The following AGAP1 variants were observed in gnomAD, a reference collection of about 807,000 sequenced individuals.
AGAP1 encodes the protein ArfGAP with GTPase domain, ankyrin repeat and PH domain 1, also known as arf-GAP with GTPase, ANK repeat and PH domain-containing protein 1.
In AGAP1, 29 loss-of-function variants were observed where a neutral mutation model predicts 105.3. That is an observed-to-expected ratio of 0.28 (90% CI 0.21 to 0.38). The LOEUF is 0.38. Among genes scored for constraint, AGAP1 ranks in the 10% least tolerant of loss-of-function variants. The pLI is 1.00. For missense variants in AGAP1, 998 were observed against 1,165.1 expected (o/e 0.86, Z 2.09); for synonymous variants, 509 against 485.9 (o/e 1.05, Z -0.63).
intron 6 of AGAP1, chr2:235,773,985 A>G (rs1247570630): frequency 8.5e-6 from 4 of 470,678 alleles, no homozygotes. Flanking sequence ...TTCCCCCTCT[A>G]AGATTTTTAA....
At chr2:235,735,028 C>T (rs749511666) in intron 3 of AGAP1, among the ~76,000 whole-genome samples, 33 of 121,386 alleles carry the variant, frequency 2.7e-4, no homozygotes, top group Non-Finnish European at 4.8e-4. Flanking sequence ...GCGCACTGGC[C>T]GTGGAGCTCT....
rs1041691168 is a variant in AGAP1, at chr2:236,005,840, T to C, written c.1646-30721T>C. On this transcript the variant is annotated intron_variant, in intron 13 of 17. Coordinates refer to ENST00000304032, the MANE Select transcript of AGAP1 (RefSeq NM_001037131.3). This position sits in a 1 kb window ranked among gnomAD's most constrained non-coding sequence, Gnocchi z 4.1. ...GGGTATATACCATCAACTTTATTTA[T>C]GGCTGCTGATGTTGACCTTGATCCT... 3.6e-4 allele frequency among the ~76,000 whole-genome samples: 55 copies of C among 152,238 alleles called. No homozygotes were observed. Among genetic ancestry groups the C allele is most frequent in the African/African-American group, 1.3e-3 (54 of 41,464 alleles).
chr2:235,568,693 T>A (rs1409419140), intron 1 of AGAP1, among the ~76,000 whole-genome samples: 1 of 152,328 alleles, frequency 6.6e-6, no homozygotes, highest in African/African-American at 2.4e-5. Context: ...ACAGCACACG[T>A]CATTCTCTTT....
Position 236,109,459 on chromosome 2 carries a change from GGAA to G in AGAP1, c.2115-10727_2115-10725del, listed in dbSNP as rs1242513006. Among the ~76,000 whole-genome samples the G allele has an allele frequency of 6.6e-6, 1 of 152,036 alleles. No individual in the cohort carries two copies. The highest frequency in any genetic ancestry group is 2.4e-5 in the African/African-American group (1 of 41,386). ...AATAAATTATAGATAGTTTTGATAG[GGAA>G]GAAGAGGAGGAAGGAAAAACTGAGA... On this transcript the variant is annotated intron_variant, in intron 16 of 17. Coordinates refer to ENST00000304032, the MANE Select transcript of AGAP1 (RefSeq NM_001037131.3). This position sits in a 1 kb window ranked among gnomAD's most constrained non-coding sequence, Gnocchi z 5.4.
At chr2:235,825,411 A>G (rs2106312202) in intron 9 of AGAP1, among the ~76,000 whole-genome samples, 1 of 152,362 alleles carries the variant, frequency 6.6e-6, no homozygotes, top group African/African-American at 2.4e-5. Context: ...GAAAAGCAGC[A>G]TTAACGAGTT....
chr2:235,935,262 T>G lies in AGAP1; in HGVS notation c.1483+4339T>G, dbSNP rs985135718. ...CGGTTGAGGGTTTCAAATTGCCGTC[T>G]GCCGGCTTGCAAGCCGCACGGAGGA... On this transcript the variant is annotated intron_variant, in intron 12 of 17. Transcript: ENST00000304032. Among the ~76,000 whole-genome samples, 7 of 152,344 alleles carry G rather than the reference T, an allele frequency of 4.6e-5. No homozygotes were observed. The East Asian group carries it at 1.4e-3, about 29-fold the overall frequency.
chr2:236,016,792 G>A (rs1454465689), intron 13 of AGAP1, among the ~76,000 whole-genome samples: 1 of 152,104 alleles, frequency 6.6e-6, no homozygotes, highest in Non-Finnish European at 1.5e-5. Flanking sequence ...AGGCATTCCT[G>A]GGGATACTAA....
Position 235,981,450 on chromosome 2 carries a change from TACACACACACACACAC to T in AGAP1, c.1645+12836_1645+12851del. On this transcript the variant is annotated intron_variant, in intron 13 of 17. Coordinates refer to ENST00000304032, the MANE Select transcript of AGAP1 (RefSeq NM_001037131.3). The surrounding 1 kb of genome is among the most constrained non-coding windows in gnomAD (Gnocchi z 5.5). ...AATTTCTAAGTTCATGTTCCATGCGTACACACACACACACACACACACACGGTGTTATTTTTTTTCT... is the reference window on the plus strand; with the variant it reads ...AATTTCTAAGTTCATGTTCCATGCGTACACACACGGTGTTATTTTTTTTCT... Among the ~76,000 whole-genome samples the T allele has an allele frequency of 6.7e-6, 1 of 149,278 alleles. No individual in the cohort carries two copies. The highest frequency in any genetic ancestry group is 2.1e-4 in the South Asian group (1 of 4,678).
rs2053827996 is a variant in AGAP1 at position 235,953,536 on chromosome 2, A to G, written c.1484-14926A>G. ...TCCAGCATTTCAAAGACATTACTCA[A>G]ATTTTGTTTGTTCTTTGTGCTGCAG... On this transcript the variant is annotated intron_variant, in intron 12 of 17. Transcript: ENST00000304032. The surrounding 1 kb of genome is among the most constrained non-coding windows in gnomAD (Gnocchi z 5.2). Among the ~76,000 whole-genome samples, 1 of 152,132 alleles carries G rather than the reference A, an allele frequency of 6.6e-6. No individual in the cohort carries two copies. Among genetic ancestry groups the G allele is most frequent in the South Asian group, 2.1e-4 (1 of 4,824 alleles).
Position 235,601,794 on chromosome 2 carries a change from C to A in AGAP1, c.163+106945C>A, listed in dbSNP as rs1038470924. Among the ~76,000 whole-genome samples, 4 of 152,176 alleles carry A rather than the reference C, an allele frequency of 2.6e-5. No homozygotes were observed. Among genetic ancestry groups the A allele is most frequent in the Non-Finnish European group, 5.9e-5 (4 of 68,028 alleles). On this transcript the variant is annotated intron_variant, in intron 1 of 17. Coordinates refer to ENST00000304032, the MANE Select transcript of AGAP1 (RefSeq NM_001037131.3). This position sits in a 1 kb window ranked among gnomAD's most constrained non-coding sequence, Gnocchi z 4.4. ...GCCAGGAGTTTAAGACCAGCCTGGG[C>A]AACCTCTTTTAAAGTTAATTACTTC...
chr2:235,685,957 G>A (rs1014358472), intron 1 of AGAP1, among the ~76,000 whole-genome samples: 3 of 152,160 alleles, frequency 2.0e-5, no homozygotes, highest in Non-Finnish European at 4.4e-5. Context: ...TGGGGAGGGG[G>A]CTTCTGACAT....
At chr2:236,059,129 C>A (rs2058120853) in intron 16 of AGAP1, among the ~76,000 whole-genome samples, 1 of 151,510 alleles carries the variant, frequency 6.6e-6, no homozygotes, top group Non-Finnish European at 1.5e-5. Flanking sequence ...GAGTTCAAGA[C>A]CAGCCTGGGC....
chr2:235,953,327 G>T lies in AGAP1; in HGVS notation c.1484-15135G>T, dbSNP rs2053819036. The stretch of plus-strand genomic sequence containing the variant: ...ACAGTTGCCTTCTAACATAACAAAA[G>T]GTTACATGTGATGGCCAAGGGAAAA... On this transcript the variant is annotated intron_variant, in intron 12 of 17. Coordinates refer to ENST00000304032, the MANE Select transcript of AGAP1 (RefSeq NM_001037131.3). This position sits in a 1 kb window ranked among gnomAD's most constrained non-coding sequence, Gnocchi z 5.2. 6.6e-6 allele frequency among the ~76,000 whole-genome samples: 1 copy of T among 152,128 alleles called. No individual in the cohort carries two copies.
chr2:236,009,500 A>G lies in AGAP1; in HGVS notation c.1646-27061A>G, dbSNP rs1331552034. Among the ~76,000 whole-genome samples, 1 of 152,220 alleles carries G rather than the reference A, an allele frequency of 6.6e-6. No homozygotes were observed. The highest frequency in any genetic ancestry group is 1.5e-5 in the Non-Finnish European group (1 of 68,042). ...ACATTTATACTGATGGCGTCTTTTT[A>G]AATAAATTAATACATGTCTGATGTG... is the stretch of plus-strand genomic sequence containing the variant. On this transcript the variant is annotated intron_variant, in intron 13 of 17. Transcript: ENST00000304032. The surrounding 1 kb of genome is among the most constrained non-coding windows in gnomAD (Gnocchi z 4.2).
intron 13 of AGAP1, among the ~76,000 whole-genome samples, chr2:235,998,702 ATGATGATAGTGG>A (rs1029827765): frequency 6.1e-5 from 5 of 82,306 alleles, no homozygotes; most frequent in African/African-American, 1.7e-4. Context: ...GGTAGCAGTG[ATGATGATAGTGG>A]TGATGATGAT....
chr2:235,934,356 C>A lies in AGAP1; in HGVS notation c.1483+3433C>A, dbSNP rs2125172306. 6.6e-6 allele frequency among the ~76,000 whole-genome samples: 1 copy of A among 152,318 alleles called. No individual in the cohort carries two copies. The highest frequency in any genetic ancestry group is 1.9e-4 in the East Asian group (1 of 5,168). On this transcript the variant is annotated intron_variant, in intron 12 of 17. Coordinates refer to ENST00000304032, the MANE Select transcript of AGAP1 (RefSeq NM_001037131.3). This position sits in a 1 kb window ranked among gnomAD's most constrained non-coding sequence, Gnocchi z 4.9. The stretch of plus-strand genomic sequence containing the variant: ...TTTGGCTGGTGATGCAGAATTCAGG[C>A]TCCACCCAGGCCTGCTGGACGCATC...
intron 16 of AGAP1, among the ~76,000 whole-genome samples, chr2:236,117,911 G>A (rs546568538): frequency 1.8e-4 from 28 of 152,178 alleles, no homozygotes; most frequent in African/African-American, 4.1e-4. Flanking sequence ...GGCTGCCTCC[G>A]CTGCATTTGT....
intron 9 of AGAP1, among the ~76,000 whole-genome samples, chr2:235,880,350 G>C (rs543279360): frequency 2.0e-5 from 3 of 152,246 alleles, no homozygotes; most frequent in South Asian, 2.1e-4. Context: ...ATTTGTCTGA[G>C]TGGGAAGGGA....
rs1320966652 is a variant in AGAP1 at position 235,700,443 on chromosome 2, G to C, written c.164-8736G>C. 6.6e-6 allele frequency among the ~76,000 whole-genome samples: 1 copy of C among 152,134 alleles called. No individual in the cohort carries two copies. Among genetic ancestry groups the C allele is most frequent in the Non-Finnish European group, 1.5e-5 (1 of 68,036 alleles). ...ACACACCCACGACAAGGGCGTTCTTGGGGAACACCGTGATTCTGGAGGGGT... is the reference window on the plus strand; with the variant it reads ...ACACACCCACGACAAGGGCGTTCTTCGGGAACACCGTGATTCTGGAGGGGT... On this transcript the variant is annotated intron_variant, in intron 1 of 17. Coordinates refer to ENST00000304032, the MANE Select transcript of AGAP1 (RefSeq NM_001037131.3). The surrounding 1 kb of genome is among the most constrained non-coding windows in gnomAD (Gnocchi z 6.1).
Sources: gnomAD v4.1 joint callset for allele counts (sites outside exome capture counted in the v4.1 genomes callset) on GRCh38, gnomAD v4.1.1 for gene constraint, Gnocchi (gnomAD v3.1) non-coding constraint, MANE v1.5 for transcripts, NCBI Gene and HGNC (gene_info 2026-07-23, HGNC 2026-07-21) for gene names.